Variants in GRM3 observed in about 807,000 individuals in gnomAD.
GRM3 encodes the protein glutamate metabotropic receptor 3, also known as metabotropic glutamate receptor 3.
A neutral mutation model predicts 70.5 loss-of-function variants in GRM3; 26 were observed. The ratio of observed to expected loss-of-function variants is 0.37; its 90% CI spans 0.27 to 0.51. The LOEUF is 0.51. Ranked by LOEUF, GRM3 falls within the 20% of genes least tolerant of loss-of-function variation. GRM3 has a pLI of 0.93. For missense variants in GRM3, 859 were observed against 1,123.8 expected (o/e 0.76, Z 3.37); for synonymous variants, 443 against 434.9 (o/e 1.02, Z -0.23).
intron 1 of GRM3, among the ~76,000 whole-genome samples, chr7:86,692,324 A>T (rs1302291126): frequency 6.6e-6 from 1 of 152,168 alleles, no homozygotes; most frequent in Non-Finnish European, 1.5e-5. Context: ...CTGTCTACAT[A>T]ATCTGGCCCT....
intron 1 of GRM3, among the ~76,000 whole-genome samples, chr7:86,753,118 C>T (rs1420016286): frequency 2.6e-5 from 4 of 152,074 alleles, no homozygotes; most frequent in Non-Finnish European, 2.9e-5. Flanking sequence ...TCACACACCA[C>T]CTTACACCTC....
chr7:86,660,780 C>G (rs1377122786), intron 1 of GRM3, among the ~76,000 whole-genome samples: 1 of 151,950 alleles, frequency 6.6e-6, no homozygotes, highest in Non-Finnish European at 1.5e-5. Context: ...AAAGCATACT[C>G]AAATTGGATA....
intron 1 of GRM3, among the ~76,000 whole-genome samples, chr7:86,755,385 AAT>A (rs1180041578): frequency 6.6e-6 from 1 of 152,148 alleles, no homozygotes; most frequent in African/African-American, 2.4e-5. Flanking sequence ...AATGGGCAGT[AAT>A]CATAACCTTG....
intron 1 of GRM3, among the ~76,000 whole-genome samples, chr7:86,692,160 G>A (rs1794710047): frequency 6.6e-6 from 1 of 152,192 alleles, no homozygotes; most frequent in African/African-American, 2.4e-5. Context: ...ATGTTCTAGT[G>A]TAATAAAGGA....
intron 1 of GRM3, among the ~76,000 whole-genome samples, chr7:86,763,021 G>A (rs551776221): frequency 6.6e-6 from 1 of 152,252 alleles, no homozygotes; most frequent in South Asian, 2.1e-4. Context: ...CTGTGGGCAA[G>A]GGAAACTCAG....
chr7:86,857,416 G>T (rs1341000303), intron 5 of GRM3, among the ~76,000 whole-genome samples: 1 of 152,182 alleles, frequency 6.6e-6, no homozygotes, highest in African/African-American at 2.4e-5. Flanking sequence ...CATCAGAGTT[G>T]TGGTATGACC....
In GRM3 at chr7:86,864,638, C is replaced by CAAAAAAA. The variant is rs796541263; in HGVS notation, c.*289_*295dup. ...CTGACATGGTCAGTCTACTAAAAAA[C>CAAAAAAA]AAAAAAAAAAAACAAAAAAAAAAAA... is the stretch of plus-strand genomic sequence containing the variant. On this transcript the variant is annotated 3_prime_UTR_variant, in exon 6 of 6. Transcript: ENST00000361669. 4 of 45,358 alleles carry CAAAAAAA rather than the reference C, an allele frequency of 8.8e-5. No homozygotes were observed. The highest frequency in any genetic ancestry group is 3.1e-4 in the African/African-American group (3 of 9,812). 2.8% of individuals were successfully genotyped at this position (45,358 alleles called of 1,614,324 possible). A position where few individuals can be genotyped will look rare whatever the true frequency, so the allele number is the denominator to read the frequency against.
chr7:86,651,791 G>C (rs914953975), intron 1 of GRM3, among the ~76,000 whole-genome samples: 7 of 151,952 alleles, frequency 4.6e-5, no homozygotes, highest in Admixed American at 3.3e-4. Flanking sequence ...TGTTCAAGAC[G>C]TCCCCTTGAA....
chr7:86,754,734 T>C (rs1465017284), intron 1 of GRM3, among the ~76,000 whole-genome samples: 3 of 152,118 alleles, frequency 2.0e-5, no homozygotes, highest in East Asian at 1.9e-4. Context: ...TTGGGCAAGT[T>C]ATATAAAACC....
intron 1 of GRM3, among the ~76,000 whole-genome samples, chr7:86,732,686 A>T (rs1202759391): frequency 3.3e-5 from 5 of 152,238 alleles, no homozygotes; most frequent in Non-Finnish European, 2.9e-5. Flanking sequence ...AGGCTTAAAA[A>T]GATTCAATAA....
At chr7:86,821,920 A>G (rs920896714) in intron 3 of GRM3, among the ~76,000 whole-genome samples, 2 of 151,462 alleles carry the variant, frequency 1.3e-5, no homozygotes, top group Non-Finnish European at 2.9e-5. Context: ...TTGTGAAATA[A>G]TTACATCTGG....
chr7:86,662,060 T>C (rs545122733), intron 1 of GRM3, among the ~76,000 whole-genome samples: 97 of 152,052 alleles, frequency 6.4e-4, no homozygotes, highest in Non-Finnish European at 8.0e-4. Flanking sequence ...ACAAACTGCC[T>C]ATCTTATTAA....
At chr7:86,749,860 A>G (rs1796188920) in intron 1 of GRM3, among the ~76,000 whole-genome samples, 1 of 152,032 alleles carries the variant, frequency 6.6e-6, no homozygotes, top group South Asian at 2.1e-4. Context: ...GATGGGAGTT[A>G]TAAAAGGAGT....
chr7:86,663,925 T>C (rs1465576188), intron 1 of GRM3, among the ~76,000 whole-genome samples: 1 of 151,616 alleles, frequency 6.6e-6, no homozygotes, highest in African/African-American at 2.4e-5. Context: ...ATGAGTAGAG[T>C]TAACTAAGTG....
chr7:86,669,430 T>C (rs1794115145), intron 1 of GRM3, among the ~76,000 whole-genome samples: 1 of 152,180 alleles, frequency 6.6e-6, no homozygotes, highest in Non-Finnish European at 1.5e-5. Flanking sequence ...ATCATGTCTC[T>C]TTTTCTGTGA....
At chr7:86,759,174 A>T (rs557677986) in intron 1 of GRM3, among the ~76,000 whole-genome samples, 13 of 152,164 alleles carry the variant, frequency 8.5e-5, no homozygotes, top group African/African-American at 3.1e-4. Flanking sequence ...CTGTCATTTG[A>T]TGTATTGTTT....
chr7:86,650,852 C>G (rs1477725567), intron 1 of GRM3, among the ~76,000 whole-genome samples: 5 of 152,126 alleles, frequency 3.3e-5, no homozygotes, highest in Non-Finnish European at 7.4e-5. Flanking sequence ...CTACTTCCCA[C>G]CAGGAAAACA....
chr7:86,720,165 A>G (rs1795422893), intron 1 of GRM3, among the ~76,000 whole-genome samples: 1 of 152,016 alleles, frequency 6.6e-6, no homozygotes. Flanking sequence ...AAGTCAAATA[A>G]GTCAGAAAAC....
intron 1 of GRM3, among the ~76,000 whole-genome samples, chr7:86,673,889 C>G (rs1794237468): frequency 6.6e-6 from 1 of 152,110 alleles, no homozygotes; most frequent in South Asian, 2.1e-4. Context: ...GACTCCTACA[C>G]TTTTTATATA....
Sources: allele counts gnomAD v4.1 joint callset (sites outside exome capture counted in the v4.1 genomes callset), GRCh38; gene constraint gnomAD v4.1.1; transcripts MANE v1.5; gene names NCBI Gene and HGNC (gene_info 2026-07-23, HGNC 2026-07-21).